TYW1B: variants seen among roughly 807,000 people sequenced by gnomAD.
TYW1B encodes tRNA-yW synthesizing protein 1 homolog B.
Under a neutral mutation model 86.9 loss-of-function variants are expected in TYW1B, and 73 were observed. The ratio of observed to expected loss-of-function variants is 0.84; its 90% confidence interval spans 0.70 to 1.02. TYW1B has a LOEUF of 1.02. TYW1B is among the 50% of genes least tolerant of loss of function. TYW1B has a pLI of 0.00. For missense variants in TYW1B, 637 were observed against 827.4 expected (o/e 0.77, Z 2.82); for synonymous variants, 248 against 292.8 (o/e 0.85, Z 1.56).
intron 13 of TYW1B, among the ~76,000 whole-genome samples, chr7:72,592,768 C>A (rs1322979181): frequency 4.6e-5 from 7 of 152,170 alleles, no homozygotes; most frequent in African/African-American, 1.4e-4. Context: ...AAAGAAAATA[C>A]GACTTTGAAT....
At chr7:72,768,176 G>C (rs574396438) in intron 7 of TYW1B, among the ~76,000 whole-genome samples, 40 of 151,916 alleles carry the variant, frequency 2.6e-4, no homozygotes, top group African/African-American at 8.9e-4. Flanking sequence ...GGAGGTGAGA[G>C]GCTGCAGTGA....
chr7:72,625,821 T>C lies in TYW1B; in HGVS notation c.1617+3066A>G, dbSNP rs560746955. Among the ~76,000 whole-genome samples, 31 of 144,490 alleles carry C rather than the reference T, an allele frequency of 2.1e-4. No homozygotes were observed. In the South Asian group the frequency reaches 6.6e-3, roughly 31 times the overall value. The allele number at this position is 144,490 out of a possible 152,430, so 94.8% of individuals were successfully genotyped here. A position where few individuals can be genotyped will look rare whatever the true frequency, so the allele number is the denominator to read the frequency against. On this transcript the variant is annotated intron_variant, in intron 12 of 13. Transcript: ENST00000620995. ...TCTTTAAAAAATGTTGACTGATTTTTTTCAGATTTAAAATACCTGTTCTTT... is the reference window on the plus strand; with the variant it reads ...TCTTTAAAAAATGTTGACTGATTTTCTTCAGATTTAAAATACCTGTTCTTT...
At chr7:72,668,543 A>G (rs1813519868) in intron 11 of TYW1B, among the ~76,000 whole-genome samples, 1 of 152,098 alleles carries the variant, frequency 6.6e-6, no homozygotes, top group African/African-American at 2.4e-5. Flanking sequence ...CAGCTTATCC[A>G]CTGTCATTCC....
At chr7:72,741,060 T>C (rs1467779233) in intron 8 of TYW1B, among the ~76,000 whole-genome samples, 1 of 152,028 alleles carries the variant, frequency 6.6e-6, no homozygotes, top group Non-Finnish European at 1.5e-5. Flanking sequence ...AAACATTTCT[T>C]TGCATACAAA....
intron 7 of TYW1B, among the ~76,000 whole-genome samples, chr7:72,760,790 C>A (rs1480585868): frequency 6.6e-6 from 1 of 152,162 alleles, no homozygotes; most frequent in Non-Finnish European, 1.5e-5. Context: ...ATATTTGTCT[C>A]TACTAGACAT....
At chr7:72,750,583 T>G (rs1230343874) in intron 7 of TYW1B, among the ~76,000 whole-genome samples, 1 of 152,210 alleles carries the variant, frequency 6.6e-6, no homozygotes, top group African/African-American at 2.4e-5. Context: ...CTCAAATTCA[T>G]GAAGCTGTAG....
chr7:72,826,351 T>C (rs1220808164), intron 2 of TYW1B, among the ~76,000 whole-genome samples: 1 of 152,218 alleles, frequency 6.6e-6, no homozygotes, highest in Non-Finnish European at 1.5e-5. Context: ...CTGACACACC[T>C]GTATTTTTCT....
rs1163024290 is a variant in TYW1B, at chr7:72,601,767, T to TA, written c.1785+14904dup. ...TTGCTAAGTGAAAAAAAAAAAAGGT[T>TA]AAAAAAAAAAAAAGAAAGAAGCCAG... is the stretch of plus-strand genomic sequence containing the variant. On this transcript the variant is annotated intron_variant, in intron 13 of 13. Coordinates refer to ENST00000620995, the MANE Select transcript of TYW1B (RefSeq NM_001145440.3). Among the ~76,000 whole-genome samples the TA allele has an allele frequency of 1.4e-3, 181 of 133,206 alleles. 2 individuals are homozygous for TA. Among genetic ancestry groups the TA allele is most frequent in the South Asian group, 3.1e-3 (13 of 4,198 alleles). The allele number at this position is 133,206 out of a possible 152,430, so 87.4% of individuals were successfully genotyped here.
At chr7:72,739,374 G>A (rs1264000921) in intron 8 of TYW1B, among the ~76,000 whole-genome samples, 3 of 152,198 alleles carry the variant, frequency 2.0e-5, no homozygotes, top group Non-Finnish European at 1.5e-5. Flanking sequence ...GGGAGGCCAA[G>A]GAGGGCAGAT....
intron 11 of TYW1B, among the ~76,000 whole-genome samples, chr7:72,682,518 G>A (rs1316169779): frequency 2.6e-5 from 4 of 152,086 alleles, no homozygotes; most frequent in Non-Finnish European, 5.9e-5. Context: ...AAAATTACTA[G>A]GTCTTAAAGA....
intron 11 of TYW1B, among the ~76,000 whole-genome samples, chr7:72,670,755 G>C (rs1211884003): frequency 6.6e-6 from 1 of 152,184 alleles, no homozygotes. Context: ...AATAAATGGA[G>C]TATGAAAGGA....
intron 13 of TYW1B, among the ~76,000 whole-genome samples, chr7:72,584,351 T>C (rs1324594453): frequency 6.6e-6 from 1 of 152,182 alleles, no homozygotes; most frequent in Non-Finnish European, 1.5e-5. Flanking sequence ...GGCCAGAGCA[T>C]TGTTTTTTGT....
In TYW1B at chr7:72,744,745, T is replaced by G. The variant is rs1554463342; in HGVS notation, c.965-144A>C. ...ATCTGCATGACGCAGGAAATTCGCA[T>G]CAGAGCATTTTAGTGTTTTGGCAGT... is the stretch of plus-strand genomic sequence containing the variant. On this transcript the variant is annotated intron_variant, in intron 7 of 13. Transcript: ENST00000620995. 4.1e-6 allele frequency: 4 copies of G among 968,248 alleles called. No individual in the cohort carries two copies. The African/African-American group carries it at 6.5e-5, about 16-fold the overall frequency. The allele number at this position is 968,248 out of a possible 1,614,324, so 60.0% of individuals were successfully genotyped here. A position where few individuals can be genotyped will look rare whatever the true frequency, so the allele number is the denominator to read the frequency against.
intron 9 of TYW1B, among the ~76,000 whole-genome samples, chr7:72,715,105 T>C (rs1554455573): frequency 6.6e-6 from 1 of 151,988 alleles, no homozygotes; most frequent in Non-Finnish European, 1.5e-5. Flanking sequence ...CACCTTGGAA[T>C]CTTAAAATTC....
intron 7 of TYW1B, among the ~76,000 whole-genome samples, chr7:72,745,559 A>C (rs1387722003): frequency 6.6e-6 from 1 of 152,028 alleles, no homozygotes; most frequent in African/African-American, 2.4e-5. Flanking sequence ...AGATCTGTCC[A>C]GAGCTCTGGG....
At chr7:72,721,699 G>T (rs1280619844) in intron 9 of TYW1B, among the ~76,000 whole-genome samples, 3 of 151,908 alleles carry the variant, frequency 2.0e-5, no homozygotes, top group Non-Finnish European at 4.4e-5. Flanking sequence ...TCTTCATGGT[G>T]CCCAAATCTT....
At chr7:72,726,796 G>C (rs545283032) in intron 9 of TYW1B, among the ~76,000 whole-genome samples, 1 of 152,134 alleles carries the variant, frequency 6.6e-6, no homozygotes, top group Non-Finnish European at 1.5e-5. Flanking sequence ...TGCCGGAGAC[G>C]GGGTAATTTA....
At chr7:72,671,063 T>G (rs1456788391) in intron 11 of TYW1B, among the ~76,000 whole-genome samples, 2 of 152,138 alleles carry the variant, frequency 1.3e-5, no homozygotes, top group Non-Finnish European at 2.9e-5. Flanking sequence ...TTCTAGTTTC[T>G]GGGGACCAGT....
chr7:72,783,716 G>A (rs1788085198), intron 6 of TYW1B, among the ~76,000 whole-genome samples: 1 of 152,180 alleles, frequency 6.6e-6, no homozygotes, highest in Non-Finnish European at 1.5e-5. Context: ...AGCACGTCAA[G>A]AGCTTTACTC....
Sources: gnomAD v4.1 joint callset for allele counts (sites outside exome capture counted in the v4.1 genomes callset) on GRCh38, gnomAD v4.1.1 for gene constraint, MANE v1.5 for transcripts, NCBI Gene and HGNC (gene_info 2026-07-23, HGNC 2026-07-21) for gene names.